Variants in RALYL observed in about 807,000 individuals in gnomAD.
RALYL encodes RNA-binding Raly-like protein.
RALYL carries 29 observed loss-of-function variants against 35.1 expected under a neutral mutation model. The observed-to-expected ratio is 0.83, with a 90% CI of 0.61 to 1.13. The LOEUF (loss-of-function observed/expected upper bound fraction) is 1.13. Among genes scored for constraint, RALYL ranks in the 50% most tolerant of loss-of-function variants. RALYL has a pLI of 0.00. For missense variants in RALYL, 359 were observed against 360.4 expected (o/e 1.00, Z 0.03); for synonymous variants, 120 against 127.6 (o/e 0.94, Z 0.40).
chr8:84,789,836 T>C, intron 3 of RALYL, among the ~76,000 whole-genome samples: 1 of 151,894 alleles, frequency 6.6e-6, no homozygotes, highest in Non-Finnish European at 1.5e-5. Context: ...AGCCACAGAG[T>C]GAGACCCTGT....
chr8:84,642,398 T>G (rs1470289941), intron 2 of RALYL, among the ~76,000 whole-genome samples: 1 of 152,058 alleles, frequency 6.6e-6, no homozygotes, highest in Non-Finnish European at 1.5e-5. Context: ...TACCTTTTTT[T>G]TCCTTTTCAG....
At position 84,187,173 on chromosome 8, in the gene RALYL, C is replaced by A. The variant is rs1812746600; in HGVS notation, c.-24+2749C>A. Reference sequence around the variant, plus strand: ...GACCTCAAACATTGTACTATCTAAACTGTGACAAAGAAATAATCACAAAAT... The same window carrying A: ...GACCTCAAACATTGTACTATCTAAAATGTGACAAAGAAATAATCACAAAAT... On this transcript the variant is annotated intron_variant, in intron 1 of 8. Coordinates refer to ENST00000521268, the MANE Select transcript of RALYL (RefSeq NM_173848.7). 2.0e-5 allele frequency among the ~76,000 whole-genome samples: 3 copies of A among 152,106 alleles called. No individual in the cohort carries two copies. The South Asian group carries it at 6.2e-4, about 31-fold the overall frequency.
intron 1 of RALYL, among the ~76,000 whole-genome samples, chr8:84,290,014 GA>G (rs1197387575): frequency 2.6e-5 from 4 of 152,192 alleles, no homozygotes; most frequent in Non-Finnish European, 5.9e-5. Context: ...CAGGCCAAAG[GA>G]ATTGCTATAT....
chr8:84,704,450 C>G (rs1564403855), intron 2 of RALYL, among the ~76,000 whole-genome samples: 2 of 129,392 alleles, frequency 1.5e-5, no homozygotes, highest in Non-Finnish European at 3.3e-5. Context: ...CACACAGACA[C>G]ACACACACAC....
intron 2 of RALYL, among the ~76,000 whole-genome samples, chr8:84,654,694 G>A (rs1241666787): frequency 6.6e-6 from 1 of 151,874 alleles, no homozygotes; most frequent in Non-Finnish European, 1.5e-5. Flanking sequence ...TTATCTTTCT[G>A]TGCCTGGCTT....
At chr8:84,519,331 G>A (rs540836176) in intron 1 of RALYL, among the ~76,000 whole-genome samples, 2 of 151,982 alleles carry the variant, frequency 1.3e-5, no homozygotes, top group African/African-American at 2.4e-5. Context: ...CTTTTTAAAC[G>A]GCCATCCTCT....
chr8:84,190,323 A>G (rs1253648140), intron 1 of RALYL, among the ~76,000 whole-genome samples: 1 of 152,192 alleles, frequency 6.6e-6, no homozygotes, highest in Non-Finnish European at 1.5e-5. Context: ...TAAAACACAT[A>G]TAAGTGTAAC....
At chr8:84,379,428 TA>T (rs1482278775) in intron 1 of RALYL, among the ~76,000 whole-genome samples, 6 of 151,884 alleles carry the variant, frequency 4.0e-5, no homozygotes, top group Non-Finnish European at 1.5e-5. Context: ...TGTTTGTGAG[TA>T]AAAATGTAGT....
intron 3 of RALYL, among the ~76,000 whole-genome samples, chr8:84,785,907 G>A (rs1293316820): frequency 2.0e-5 from 3 of 152,214 alleles, no homozygotes; most frequent in Non-Finnish European, 4.4e-5. Context: ...ATGGTAGTTT[G>A]CTGCACCTAT....
At chr8:84,692,362 A>G (rs755618620) in intron 2 of RALYL, among the ~76,000 whole-genome samples, 4 of 152,004 alleles carry the variant, frequency 2.6e-5, no homozygotes, top group Non-Finnish European at 5.9e-5. Flanking sequence ...ATACAAAGTC[A>G]TTTTTCATTC....
chr8:84,350,580 C>T (rs914589200), intron 1 of RALYL, among the ~76,000 whole-genome samples: 1 of 149,900 alleles, frequency 6.7e-6, no homozygotes, highest in African/African-American at 2.5e-5. Context: ...AAAAACAAGC[C>T]ATGCATGTAT....
intron 2 of RALYL, among the ~76,000 whole-genome samples, chr8:84,657,665 T>C (rs954836377): frequency 6.6e-6 from 1 of 152,146 alleles, no homozygotes; most frequent in Non-Finnish European, 1.5e-5. Context: ...AACACTCTAA[T>C]AGAAGTGCAA....
At chr8:84,601,343 A>G (rs993996976) in intron 2 of RALYL, among the ~76,000 whole-genome samples, 2 of 152,130 alleles carry the variant, frequency 1.3e-5, no homozygotes, top group African/African-American at 4.8e-5. Flanking sequence ...AAAAGCTACA[A>G]TGCCTAGGGA....
chr8:84,211,772 A>G (rs917414625), intron 1 of RALYL, among the ~76,000 whole-genome samples: 23 of 152,208 alleles, frequency 1.5e-4, no homozygotes, highest in Non-Finnish European at 2.8e-4. Flanking sequence ...AATCAGAACC[A>G]TGGGAAAACA....
At chr8:84,760,809 A>G (rs1463454927) in intron 2 of RALYL, among the ~76,000 whole-genome samples, 2 of 152,092 alleles carry the variant, frequency 1.3e-5, no homozygotes, top group African/African-American at 2.4e-5. Flanking sequence ...TTGAATGCCA[A>G]TTATTAGGCT....
chr8:84,801,307 CT>C (rs1358621506), intron 3 of RALYL, among the ~76,000 whole-genome samples: 1 of 152,114 alleles, frequency 6.6e-6, no homozygotes, highest in Non-Finnish European at 1.5e-5. Context: ...GACCAATAAT[CT>C]TTTTTTCTTT....
At chr8:84,379,230 C>T (rs773486097) in intron 1 of RALYL, among the ~76,000 whole-genome samples, 3 of 151,786 alleles carry the variant, frequency 2.0e-5, no homozygotes, top group Admixed American at 6.6e-5. Context: ...AGTAATCTTC[C>T]AATGGATTGG....
At chr8:84,833,078 C>A (rs920880546) in intron 4 of RALYL, among the ~76,000 whole-genome samples, 6 of 152,132 alleles carry the variant, frequency 3.9e-5, no homozygotes, top group African/African-American at 1.4e-4. Context: ...TAGCTGTCTT[C>A]TCAAAGGCTC....
intron 1 of RALYL, among the ~76,000 whole-genome samples, chr8:84,461,684 C>G (rs1413806153): frequency 6.6e-6 from 1 of 151,514 alleles, no homozygotes; most frequent in Non-Finnish European, 1.5e-5. Context: ...TTCTTCATGG[C>G]AAAAAATAAT....
Sources: allele counts gnomAD v4.1 joint callset (sites outside exome capture counted in the v4.1 genomes callset), GRCh38; gene constraint gnomAD v4.1.1; transcripts MANE v1.5; gene names NCBI Gene and HGNC (gene_info 2026-07-23, HGNC 2026-07-21).